The following MLLT3 variants were observed in gnomAD, a reference collection of about 807,000 sequenced individuals.
The protein encoded by MLLT3 is protein AF-9.
A neutral mutation model predicts 53.2 loss-of-function variants in MLLT3; 4 were observed. The ratio of observed to expected loss-of-function variants is 0.08; its 90% CI spans 0.04 to 0.17. The LOEUF is 0.17. Among genes scored for constraint, MLLT3 ranks in the 10% least tolerant of loss-of-function variants. The pLI is 1.00. For missense variants in MLLT3, 569 were observed against 684.0 expected (o/e 0.83, Z 1.87); for synonymous variants, 283 against 230.6 (o/e 1.23, Z -2.06).
intron 4 of MLLT3, among the ~76,000 whole-genome samples, chr9:20,428,639 A>C (rs950458223): frequency 6.6e-6 from 1 of 152,104 alleles, no homozygotes; most frequent in Non-Finnish European, 1.5e-5. Context: ...TAATAAACTC[A>C]AGCAAAAGAA....
chr9:20,553,564 T>C (rs1818980753), intron 2 of MLLT3, among the ~76,000 whole-genome samples: 1 of 152,218 alleles, frequency 6.6e-6, no homozygotes, highest in African/African-American at 2.4e-5. Flanking sequence ...GAATGAACGA[T>C]TTGTCTATAT....
chr9:20,620,539 G>T lies in MLLT3; in HGVS notation c.193+115C>A. 2 of 905,394 alleles carry T rather than the reference G, an allele frequency of 2.2e-6. No homozygotes were observed. The highest frequency in any genetic ancestry group is 3.0e-6 in the Non-Finnish European group (2 of 673,036). The allele number at this position is 905,394 out of a possible 1,614,324, so 56.1% of individuals were successfully genotyped here. ...GCGGCGCCGCGCACCCGGATCCCGA[G>T]GCTACGCCGGCGAGCGCGGCGCGGG... On this transcript the variant is annotated intron_variant, in intron 2 of 10. Transcript: ENST00000380338. This position sits in a 1 kb window ranked among gnomAD's most constrained non-coding sequence, Gnocchi z 6.1.
intron 5 of MLLT3, among the ~76,000 whole-genome samples, chr9:20,384,190 CAGAT>C (rs538910685): frequency 1.1e-3 from 166 of 152,050 alleles, no homozygotes; most frequent in Middle Eastern, 3.4e-3. Context: ...AAGACAAAAA[CAGAT>C]GGATGCTGAT....
intron 2 of MLLT3, among the ~76,000 whole-genome samples, chr9:20,509,869 A>ATT (rs777891743): frequency 4.1e-5 from 4 of 96,676 alleles, no homozygotes; most frequent in Non-Finnish European, 4.1e-5. Context: ...GGGTACAATT[A>ATT]TTATTTTTTT....
chr9:20,514,140 C>T (rs1436718363), intron 2 of MLLT3, among the ~76,000 whole-genome samples: 19 of 152,296 alleles, frequency 1.2e-4, no homozygotes, highest in African/African-American at 3.6e-4. Flanking sequence ...TAACTCATTC[C>T]GGATTTTCCT....
intron 2 of MLLT3, among the ~76,000 whole-genome samples, chr9:20,556,527 A>G (rs559905449): frequency 6.6e-6 from 1 of 152,212 alleles, no homozygotes; most frequent in Non-Finnish European, 1.5e-5. Context: ...TACTAAAAAC[A>G]TAAAAATTAG....
At chr9:20,395,064 A>C (rs1822286761) in intron 5 of MLLT3, among the ~76,000 whole-genome samples, 1 of 152,174 alleles carries the variant, frequency 6.6e-6, no homozygotes, top group Admixed American at 6.5e-5. Context: ...CGTCAGAGGA[A>C]CTAAACCATA....
intron 2 of MLLT3, among the ~76,000 whole-genome samples, chr9:20,557,599 T>C (rs1219185316): frequency 6.6e-6 from 1 of 152,198 alleles, no homozygotes; most frequent in Non-Finnish European, 1.5e-5. Context: ...TCCTCACCTA[T>C]TTCAGGGCAC....
chr9:20,366,371 G>A (rs1234887734), intron 5 of MLLT3, among the ~76,000 whole-genome samples: 1 of 152,158 alleles, frequency 6.6e-6, no homozygotes, highest in Non-Finnish European at 1.5e-5. Context: ...CAAAGGACAT[G>A]AACTCATCCT....
intron 2 of MLLT3, among the ~76,000 whole-genome samples, chr9:20,489,268 G>C (rs1365335610): frequency 6.6e-6 from 1 of 152,176 alleles, no homozygotes; most frequent in Non-Finnish European, 1.5e-5. Flanking sequence ...TCCTGAGTCA[G>C]ATAGGTTTTT....
intron 2 of MLLT3, among the ~76,000 whole-genome samples, chr9:20,585,815 T>A (rs1819942969): frequency 2.0e-5 from 3 of 152,190 alleles, no homozygotes; most frequent in Admixed American, 2.0e-4. Flanking sequence ...TGCAGAAGAT[T>A]GGGCTCCAAC....
At chr9:20,545,901 C>A (rs1458773873) in intron 2 of MLLT3, among the ~76,000 whole-genome samples, 1 of 151,562 alleles carries the variant, frequency 6.6e-6, no homozygotes, top group Non-Finnish European at 1.5e-5. Context: ...ATCTCCAGTC[C>A]CAGCTACGAG....
chr9:20,528,662 G>A (rs902593874), intron 2 of MLLT3, among the ~76,000 whole-genome samples: 8 of 152,148 alleles, frequency 5.3e-5, no homozygotes, highest in Non-Finnish European at 7.4e-5. Context: ...CAGTGCCTTC[G>A]CCTCTGTGTG....
chr9:20,446,498 G>A (rs2118843970), intron 4 of MLLT3, among the ~76,000 whole-genome samples: 1 of 152,284 alleles, frequency 6.6e-6, no homozygotes. Context: ...CTAAGTGGTT[G>A]CTTTAAAAAG....
Position 20,565,868 on chromosome 9 carries a change from C to T in MLLT3, c.193+54786G>A, listed in dbSNP as rs528191669. 3.4e-5 allele frequency among the ~76,000 whole-genome samples: 5 copies of T among 145,660 alleles called. No individual in the cohort carries two copies. In the South Asian group the frequency reaches 1.1e-3, roughly 31 times the overall value. On this transcript the variant is annotated intron_variant, in intron 2 of 10. Coordinates refer to ENST00000380338, the MANE Select transcript of MLLT3 (RefSeq NM_004529.4). ...AGTCCCTCTTCAGAAAAAGTCCACT[C>T]TCTATATCCTCACTTCCTCCTTCCT...
At chr9:20,455,917 C>T (rs1823954159) in intron 3 of MLLT3, among the ~76,000 whole-genome samples, 1 of 147,656 alleles carries the variant, frequency 6.8e-6, no homozygotes, top group Non-Finnish European at 1.5e-5. Flanking sequence ...CACATATGTA[C>T]TGCTAAAAAC....
At chr9:20,565,732 C>T (rs745513085) in intron 2 of MLLT3, among the ~76,000 whole-genome samples, 21 of 150,362 alleles carry the variant, frequency 1.4e-4, no homozygotes, top group Non-Finnish European at 2.8e-4. Flanking sequence ...TTTTACCTCT[C>T]CACCCCCAAG....
At chr9:20,367,858 TC>T (rs1388844774) in intron 5 of MLLT3, among the ~76,000 whole-genome samples, 1 of 152,218 alleles carries the variant, frequency 6.6e-6, no homozygotes, top group African/African-American at 2.4e-5. Context: ...AATGCTTTGT[TC>T]ATCTCCCTTT....
intron 5 of MLLT3, among the ~76,000 whole-genome samples, chr9:20,368,572 A>G (rs972045611): frequency 1.3e-5 from 2 of 152,138 alleles, no homozygotes; most frequent in Non-Finnish European, 2.9e-5. Context: ...CCCACATGAA[A>G]CATTACTCAT....
Sources: gnomAD v4.1 joint callset for allele counts (sites outside exome capture counted in the v4.1 genomes callset) on GRCh38, gnomAD v4.1.1 for gene constraint, Gnocchi (gnomAD v3.1) non-coding constraint, MANE v1.5 for transcripts, NCBI Gene and HGNC (gene_info 2026-07-23, HGNC 2026-07-21) for gene names.